Variants in PPP1R12B observed in about 807,000 individuals in gnomAD.
PPP1R12B encodes the protein protein phosphatase 1 regulatory subunit 12B, also known as myosin phosphatase target subunit 2.
A neutral mutation model predicts 126.1 loss-of-function variants in PPP1R12B; 76 were observed. That is an observed-to-expected ratio of 0.60 (90% CI 0.50 to 0.73). The LOEUF (loss-of-function observed/expected upper bound fraction) is 0.73. PPP1R12B is among the 30% of genes least tolerant of loss of function. PPP1R12B has a pLI of 0.00. For missense variants in PPP1R12B, 1,052 were observed against 1,205.1 expected (o/e 0.87, Z 1.88); for synonymous variants, 356 against 434.7 (o/e 0.82, Z 2.25).
intron 1 of PPP1R12B, among the ~76,000 whole-genome samples, chr1:202,400,176 T>C (rs1415101814): frequency 6.6e-6 from 1 of 152,262 alleles, no homozygotes; most frequent in Non-Finnish European, 1.5e-5. Flanking sequence ...TCCATGTTAC[T>C]GGAAAGCACA....
chr1:202,350,446 A>G (rs997221612), intron 1 of PPP1R12B, among the ~76,000 whole-genome samples: 1 of 152,150 alleles, frequency 6.6e-6, no homozygotes, highest in Non-Finnish European at 1.5e-5. Flanking sequence ...CAAAGTTAGA[A>G]AGTAAAGAAG....
intron 1 of PPP1R12B, among the ~76,000 whole-genome samples, chr1:202,380,607 C>T (rs975530132): frequency 2.6e-5 from 4 of 152,164 alleles, no homozygotes; most frequent in African/African-American, 9.7e-5. Flanking sequence ...ACACCCCCCC[C>T]ATTCCTTGGC....
chr1:202,432,275 T>G (rs1409404044), intron 8 of PPP1R12B, among the ~76,000 whole-genome samples: 1 of 145,346 alleles, frequency 6.9e-6, no homozygotes, highest in Non-Finnish European at 1.5e-5. Context: ...ATAGGGCTTC[T>G]TTTTTTTTTT....
At chr1:202,373,268 G>T (rs1660613014) in intron 1 of PPP1R12B, among the ~76,000 whole-genome samples, 1 of 152,042 alleles carries the variant, frequency 6.6e-6, no homozygotes, top group African/African-American at 2.4e-5. Flanking sequence ...TGCCCCAAAG[G>T]TTTAAATCTT....
chr1:202,370,091 G>T lies in PPP1R12B; in HGVS notation c.291+20949G>T, dbSNP rs140417463. The T allele has an allele frequency of 4.2e-3, 858 of 206,340 alleles. 7 individuals are homozygous for T. The highest frequency in any genetic ancestry group is 8.2e-3 in the Middle Eastern group (4 of 490). The allele number at this position is 206,340 out of a possible 1,614,324, so 12.8% of individuals were successfully genotyped here. The stretch of plus-strand genomic sequence containing the variant: ...ACTACAGGCGTAAACTACCATGCCC[G>T]GCCTTGGGCACACTTCTGAACAAAA... On this transcript the variant is annotated intron_variant, in intron 1 of 23. Transcript: ENST00000608999.
At chr1:202,519,797 T>C (rs1682574236) in intron 18 of PPP1R12B, among the ~76,000 whole-genome samples, 1 of 152,254 alleles carries the variant, frequency 6.6e-6, no homozygotes. Flanking sequence ...TACATTTTTT[T>C]CTTTTTTGGT....
intron 14 of PPP1R12B, among the ~76,000 whole-genome samples, chr1:202,489,078 C>G (rs1034554745): frequency 4.6e-5 from 7 of 152,154 alleles, no homozygotes; most frequent in African/African-American, 1.7e-4. Flanking sequence ...ATGAAAATGA[C>G]TGCCCTATTC....
At chr1:202,411,917 G>A (rs1667444403) in intron 1 of PPP1R12B, among the ~76,000 whole-genome samples, 2 of 152,058 alleles carry the variant, frequency 1.3e-5, no homozygotes, top group African/African-American at 2.4e-5. Context: ...CTCCCACCTC[G>A]GCCTCTCAAA....
chr1:202,493,569 A>G (rs1313909839), intron 15 of PPP1R12B, among the ~76,000 whole-genome samples: 1 of 152,244 alleles, frequency 6.6e-6, no homozygotes, highest in Non-Finnish European at 1.5e-5. Context: ...AGGAGAGGTC[A>G]TAGTATAACA....
intron 8 of PPP1R12B, among the ~76,000 whole-genome samples, chr1:202,433,667 G>C (rs1279228511): frequency 2.6e-5 from 4 of 152,188 alleles, no homozygotes; most frequent in Non-Finnish European, 1.5e-5. Context: ...ATTCATTTCA[G>C]GCCATCAATG....
intron 10 of PPP1R12B, chr1:202,439,431 C>A: frequency 2.3e-6 from 3 of 1,308,206 alleles, no homozygotes; most frequent in Non-Finnish European, 3.3e-6. Context: ...CTGGAAAATG[C>A]TGGGCGACCC....
At chr1:202,440,887 GTCCTTACCACATTATGAATTGTTTAT>G (rs1402475998) in intron 11 of PPP1R12B, 99 bp downstream of exon 11, 1 of 932,772 alleles carries the variant, frequency 1.1e-6, no homozygotes, top group Non-Finnish European at 1.7e-6. Flanking sequence ...TCCCTCAGGT[GTCCTTACCACATTATGAATTGTTTAT>G]TCCTTCTGCT....
chr1:202,461,809 C>A (rs561541326), intron 13 of PPP1R12B, among the ~76,000 whole-genome samples: 58 of 152,186 alleles, frequency 3.8e-4, no homozygotes, highest in African/African-American at 1.3e-3. Flanking sequence ...TATGCCTTTT[C>A]TCCCCTCACC....
At chr1:202,506,195 C>T (rs146941116) in intron 18 of PPP1R12B, among the ~76,000 whole-genome samples, 19 of 152,322 alleles carry the variant, frequency 1.2e-4, no homozygotes, top group African/African-American at 4.3e-4. Flanking sequence ...TGGTTGACTC[C>T]ACATTGGCCT....
chr1:202,409,728 A>G (rs751094590), intron 1 of PPP1R12B, among the ~76,000 whole-genome samples: 1 of 152,194 alleles, frequency 6.6e-6, no homozygotes, highest in South Asian at 2.1e-4. Context: ...CAGTGGTGCT[A>G]TCATAGCTCA....
At chr1:202,403,406 TG>T (rs1171643968) in intron 1 of PPP1R12B, among the ~76,000 whole-genome samples, 3 of 152,240 alleles carry the variant, frequency 2.0e-5, no homozygotes, top group African/African-American at 7.2e-5. Flanking sequence ...GAGAAGAAAT[TG>T]GGGGTGTCCT....
In PPP1R12B at chr1:202,449,030, C is replaced by T; in HGVS notation, c.1709C>T (p.Thr570Ile). The change falls in exon 13 of 24, where the codon ACA (threonine) becomes ATA (isoleucine). Residue 570 changes from threonine (T) to isoleucine (I), a missense_variant. Physicochemically the swap from Thr to Ile is moderately conservative, Grantham distance 89. Coordinates refer to ENST00000608999, the MANE Select transcript of PPP1R12B (RefSeq NM_002481.4). ...KSQADTTAEK[T>I]ADNVSSSTPL... ...CAGGCCGACACAACAGCAGAGAAAA[C>T]AGCAGACAATGTCTCTTCTAGCACC... The T allele has an allele frequency of 6.2e-7, 1 of 1,613,914 alleles. No individual in the cohort carries two copies. The highest frequency in any genetic ancestry group is 8.5e-7 in the Non-Finnish European group (1 of 1,179,844).
At chr1:202,446,498 A>T (rs1411792564) in intron 12 of PPP1R12B, among the ~76,000 whole-genome samples, 1 of 148,640 alleles carries the variant, frequency 6.7e-6, no homozygotes, top group South Asian at 2.1e-4. Context: ...TGACCTCATG[A>T]TCCGCCCACT....
chr1:202,450,385 A>G (rs1457664478), intron 13 of PPP1R12B, among the ~76,000 whole-genome samples: 2 of 152,216 alleles, frequency 1.3e-5, no homozygotes, highest in Non-Finnish European at 2.9e-5. Context: ...TAAGAGAAAC[A>G]TTAGAAAATG....
Sources: gnomAD v4.1 joint callset for allele counts (sites outside exome capture counted in the v4.1 genomes callset) on GRCh38, gnomAD v4.1.1 for gene constraint, MANE v1.5 for transcripts, NCBI Gene and HGNC (gene_info 2026-07-23, HGNC 2026-07-21) for gene names.